Variants in NEMF observed in about 807,000 individuals in gnomAD.
The protein encoded by NEMF is ribosome quality control complex subunit NEMF.
A neutral mutation model predicts 162.2 loss-of-function variants in NEMF; 89 were observed. That is an observed-to-expected ratio of 0.55 (90% CI 0.46 to 0.65). NEMF has a LOEUF of 0.65. Among genes scored for constraint, NEMF ranks in the 30% least tolerant of loss-of-function variants. NEMF has a pLI of 0.00. For missense variants in NEMF, 1,133 were observed against 1,261.9 expected (o/e 0.90, Z 1.55); for synonymous variants, 421 against 404.5 (o/e 1.04, Z -0.49).
At chr14:49,790,061 A>C (rs1890368171) in intron 26 of NEMF, among the ~76,000 whole-genome samples, 1 of 152,214 alleles carries the variant, frequency 6.6e-6, no homozygotes, top group African/African-American at 2.4e-5. Context: ...GTTTTAAACT[A>C]TAAACATCTA....
chr14:49,801,500 A>G (rs1327260984), intron 22 of NEMF: 1 of 152,174 alleles, frequency 6.6e-6, no homozygotes, highest in Non-Finnish European at 1.5e-5. Context: ...GGGAAAAAAA[A>G]AAAGAAAAGA....
intron 18 of NEMF, among the ~76,000 whole-genome samples, chr14:49,812,799 CTT>C (rs1045527980): frequency 2.1e-5 from 3 of 144,282 alleles, no homozygotes; most frequent in African/African-American, 5.1e-5. Flanking sequence ...TGTATTGAGG[CTT>C]TTTTTTTTTG....
intron 16 of NEMF, among the ~76,000 whole-genome samples, chr14:49,818,658 A>ATC (rs1188345119): frequency 6.6e-6 from 1 of 152,164 alleles, no homozygotes; most frequent in Non-Finnish European, 1.5e-5. Flanking sequence ...TATAAAGAAG[A>ATC]TCTCTGGACA....
At chr14:49,807,657 C>T (rs778327783) in intron 18 of NEMF, among the ~76,000 whole-genome samples, 83 of 144,298 alleles carry the variant, frequency 5.8e-4, no homozygotes, top group Non-Finnish European at 9.1e-4. Flanking sequence ...AGTGCAGTGG[C>T]GTGATCTCGG....
In NEMF at chr14:49,847,669, T is replaced by C. The variant is rs1041892665; in HGVS notation, c.232-1404A>G. 5.0e-4 allele frequency among the ~76,000 whole-genome samples: 76 copies of C among 151,680 alleles called. 1 individual carries two copies. Among genetic ancestry groups the C allele is most frequent in the African/African-American group, 1.7e-3 (70 of 41,238 alleles). On this transcript the variant is annotated intron_variant, in intron 3 of 32. Coordinates refer to ENST00000298310, the MANE Select transcript of NEMF (RefSeq NM_004713.6). ...CTTATGGCTTATGGTATCCTGTAAA[T>C]AGTCCACCACCTTATATCCAGTTAC...
chr14:49,793,493 T>C (rs1212764218), intron 26 of NEMF, among the ~76,000 whole-genome samples: 1 of 152,142 alleles, frequency 6.6e-6, no homozygotes, highest in Non-Finnish European at 1.5e-5. Flanking sequence ...ACAATTATAG[T>C]TTTCCACAGG....
rs1279379611 is a variant in NEMF, at chr14:49,832,136, A to G, written c.807-10T>C. 6.3e-7 allele frequency: 1 copy of G among 1,599,224 alleles called. No homozygotes were observed. Among genetic ancestry groups the G allele is most frequent in the African/African-American group, 1.3e-5 (1 of 74,248 alleles). ...ATGAAATTCCTCATACCTGTAAAAC[A>G]TATTTATTATATCACATTCGAGAAC... On this transcript the variant is annotated splice_polypyrimidine_tract_variant and intron_variant, in intron 9 of 32. Coordinates refer to ENST00000298310, the MANE Select transcript of NEMF (RefSeq NM_004713.6).
At position 49,837,334 on chromosome 14, in the gene NEMF, C is replaced by T. The variant is rs145306076; in HGVS notation, c.574+805G>A. Among the ~76,000 whole-genome samples the T allele has an allele frequency of 9.7e-4, 148 of 152,088 alleles. 1 individual carries two copies. The highest frequency in any genetic ancestry group is 1.5e-3 in the Non-Finnish European group (105 of 67,990). On this transcript the variant is annotated intron_variant, in intron 6 of 32. Coordinates refer to ENST00000298310, the MANE Select transcript of NEMF (RefSeq NM_004713.6). ...CATTAGTAATGTTCAACCTGTACTA[C>T]CTGATTTCAAACATTACAGAAATTT...
At chr14:49,786,340 C>T in intron 29 of NEMF, 1 of 179,504 alleles carries the variant, frequency 5.6e-6, no homozygotes. Context: ...TGTGAGATTG[C>T]CCCCATTTAT....
At position 49,834,391 on chromosome 14, in the gene NEMF, G is replaced by A. The variant is rs1293959435; in HGVS notation, c.633C>T (p.Val211=). The change falls in exon 7 of 33, where the codon GTC becomes GTT. Residue 211 remains valine (V), a synonymous_variant. Coordinates refer to ENST00000298310, the MANE Select transcript of NEMF (RefSeq NM_004713.6). ...CLLENGFSGN[V]KVDEKLETKD... ...TAGTTTCAAGTTTTTCATCCACTTT[G>A]ACATTACCCGAGAATCCATTTTCTA... 1 of 1,607,518 alleles carries A rather than the reference G, an allele frequency of 6.2e-7. No homozygotes were observed. Among genetic ancestry groups the A allele is most frequent in the African/African-American group, 1.3e-5 (1 of 74,786 alleles).
At chr14:49,822,668 TAAAAAAAAAAAAA>T (rs59170500) in intron 16 of NEMF, among the ~76,000 whole-genome samples, 3 of 46,168 alleles carry the variant, frequency 6.5e-5, no homozygotes, top group Middle Eastern at 0.014. Flanking sequence ...AGTCTCTACT[TAAAAAAAAAAAAA>T]AAAAAAAAAA....
At chr14:49,836,143 G>A (rs1892891343) in intron 6 of NEMF, among the ~76,000 whole-genome samples, 1 of 152,182 alleles carries the variant, frequency 6.6e-6, no homozygotes, top group Non-Finnish European at 1.5e-5. Context: ...AGTGGGTGTA[G>A]TGGCATACAC....
At chr14:49,835,376 TTAATA>T (rs1371511908) in intron 6 of NEMF, among the ~76,000 whole-genome samples, 4 of 152,310 alleles carry the variant, frequency 2.6e-5, no homozygotes, top group Admixed American at 1.3e-4. Flanking sequence ...CAAAAATTGG[TTAATA>T]TAATACTCCA....
At chr14:49,851,898 T>C in intron 1 of NEMF, 23 bp from the exon 2 acceptor site, 1 of 1,426,074 alleles carries the variant, frequency 7.0e-7, no homozygotes, top group Non-Finnish European at 9.7e-7. Flanking sequence ...AGGAAACATG[T>C]AACATGTTAC....
chr14:49,831,949 A>T, intron 10 of NEMF, 102 bp downstream of exon 10: 1 of 722,640 alleles, frequency 1.4e-6, no homozygotes, highest in Non-Finnish European at 2.3e-6. Flanking sequence ...TTCACAGTGA[A>T]TGTAAAGCAA....
intron 18 of NEMF, 102 bp downstream of exon 18, chr14:49,813,886 G>A (rs1242953387): frequency 2.8e-6 from 2 of 705,200 alleles, no homozygotes; most frequent in Non-Finnish European, 5.1e-6. Flanking sequence ...TTACAGGCAT[G>A]AGCCACCACA....
At chr14:49,846,405 A>G in intron 3 of NEMF, 140 bp from the exon 4 acceptor site, 1 of 709,914 alleles carries the variant, frequency 1.4e-6, no homozygotes, top group Non-Finnish European at 2.3e-6. Context: ...ATAAAGTAAT[A>G]GATTGCAGAT....
intron 16 of NEMF, among the ~76,000 whole-genome samples, chr14:49,823,986 A>C (rs1892213724): frequency 6.6e-6 from 1 of 151,776 alleles, no homozygotes; most frequent in Non-Finnish European, 1.5e-5. Flanking sequence ...CATGGGCAAC[A>C]TGGCAGAAAC....
chr14:49,789,239 C>T lies in NEMF; in HGVS notation c.2802G>A (p.Arg934=), dbSNP rs781025991. Residue 934 remains arginine (R), a synonymous_variant, in exon 28 of 33, where the codon AGG becomes AGA. Coordinates refer to ENST00000298310, the MANE Select transcript of NEMF (RefSeq NM_004713.6). ...TTTCTTTCTTAATGTTGTCAGAGAC[C>T]CTCTGTCCACCTCTAGGTTTCTGGG... The part of the protein sequence containing the change: ...KQPQKPRGGQ[R]VSDNIKKETP... 2 of 1,613,950 alleles carry T rather than the reference C, an allele frequency of 1.2e-6. No individual in the cohort carries two copies. The highest frequency in any genetic ancestry group is 1.1e-5 in the South Asian group (1 of 91,070).
Sources: allele counts gnomAD v4.1 joint callset (sites outside exome capture counted in the v4.1 genomes callset), GRCh38; gene constraint gnomAD v4.1.1; transcripts MANE v1.5; gene names NCBI Gene and HGNC (gene_info 2026-07-23, HGNC 2026-07-21).